SLIT3: variants seen among roughly 807,000 people sequenced by gnomAD.
SLIT3 encodes slit guidance ligand 3.
In SLIT3, 68 loss-of-function variants were observed where a neutral mutation model predicts 184.0. The observed-to-expected ratio is 0.37, with a 90% CI of 0.30 to 0.45. SLIT3 has a LOEUF of 0.45. Among genes scored for constraint, SLIT3 ranks in the 20% least tolerant of loss-of-function variants. The probability of loss-of-function intolerance (pLI) is 1.00; values close to 1 mark genes in which losing one functional copy is unlikely to be tolerated. For missense variants in SLIT3, 1,707 were observed against 2,026.0 expected, an observed-to-expected ratio of 0.84 and a Z score of 3.02; for synonymous variants, 831 against 828.6, an observed-to-expected ratio of 1.00 and a Z score of -0.05.
chr5:168,717,695 C>T (rs970446120), intron 23 of SLIT3, among the ~76,000 whole-genome samples: 6 of 151,796 alleles, frequency 4.0e-5, no homozygotes, highest in African/African-American at 1.2e-4. Context: ...GAATCTCGCT[C>T]TGTGGCCAAG....
chr5:168,673,951 G>T (rs933813216), intron 32 of SLIT3, among the ~76,000 whole-genome samples: 1 of 152,118 alleles, frequency 6.6e-6, no homozygotes, highest in African/African-American at 2.4e-5. Context: ...TACTCAACAC[G>T]CTTGTTCTTT....
At chr5:168,848,889 A>T (rs1389494028) in intron 5 of SLIT3, among the ~76,000 whole-genome samples, 1 of 152,206 alleles carries the variant, frequency 6.6e-6, no homozygotes, top group Non-Finnish European at 1.5e-5. Flanking sequence ...TACAATGTGA[A>T]ATTTCGTAAT....
chr5:168,693,080 C>G (rs1404032213), intron 28 of SLIT3, among the ~76,000 whole-genome samples: 1 of 152,210 alleles, frequency 6.6e-6, no homozygotes, highest in Non-Finnish European at 1.5e-5. Context: ...CTGAGCACCT[C>G]CTGTGTGGCA....
At chr5:168,813,033 T>C (rs1757213720) in intron 8 of SLIT3, among the ~76,000 whole-genome samples, 1 of 152,216 alleles carries the variant, frequency 6.6e-6, no homozygotes, top group African/African-American at 2.4e-5. Flanking sequence ...TGAAAAAGTG[T>C]ACGACGTGGC....
At chr5:169,006,015 C>G (rs1219459029) in intron 4 of SLIT3, among the ~76,000 whole-genome samples, 2 of 152,242 alleles carry the variant, frequency 1.3e-5, no homozygotes, top group East Asian at 3.8e-4. Flanking sequence ...CAGTGCCAGG[C>G]ACTGTGCTAG....
intron 35 of SLIT3, among the ~76,000 whole-genome samples, chr5:168,669,270 C>G (rs1405921476): frequency 6.6e-6 from 1 of 152,232 alleles, no homozygotes; most frequent in African/African-American, 2.4e-5. Flanking sequence ...GTGGCTTACT[C>G]TCTTCTGGAC....
chr5:168,902,890 G>A (rs1194373894), intron 4 of SLIT3, among the ~76,000 whole-genome samples: 1 of 152,206 alleles, frequency 6.6e-6, no homozygotes, highest in East Asian at 1.9e-4. Context: ...AATGGGGGTA[G>A]TGGCTGAGTG....
chr5:169,183,749 A>T lies in SLIT3; in HGVS notation c.413+9730T>A, dbSNP rs142290107. The stretch of plus-strand genomic sequence containing the variant: ...CAAAATGTTTTATGCAGCAACCTAT[A>T]AGAAACTCATTTTGTGGGATGTTTC... On this transcript the variant is annotated intron_variant, in intron 4 of 35. Transcript: ENST00000519560. Among the ~76,000 whole-genome samples, 601 of 152,326 alleles carry T rather than the reference A, an allele frequency of 3.9e-3. 4 individuals are homozygous for T. The highest frequency in any genetic ancestry group is 0.014 in the African/African-American group (576 of 41,572).
At chr5:168,959,604 G>T (rs978735463) in intron 4 of SLIT3, among the ~76,000 whole-genome samples, 1 of 152,184 alleles carries the variant, frequency 6.6e-6, no homozygotes, top group Non-Finnish European at 1.5e-5. Flanking sequence ...GGAGTAGGTG[G>T]TCTCTCCAGA....
chr5:169,198,817 C>T lies in SLIT3; in HGVS notation c.342-5267G>A, dbSNP rs539811281. Reference sequence around the variant, plus strand: ...CATGGGGATGCACATCTGTAATCCCCGCTACTCGGGAGGCTTAGGCAGGAG... The same window carrying T: ...CATGGGGATGCACATCTGTAATCCCTGCTACTCGGGAGGCTTAGGCAGGAG... On this transcript the variant is annotated intron_variant, in intron 3 of 35. Coordinates refer to ENST00000519560, the MANE Select transcript of SLIT3 (RefSeq NM_003062.4). Among the ~76,000 whole-genome samples, 6 of 151,848 alleles carry T rather than the reference C, an allele frequency of 4.0e-5. No homozygotes were observed. The South Asian group carries it at 8.3e-4, about 21-fold the overall frequency.
intron 4 of SLIT3, among the ~76,000 whole-genome samples, chr5:168,967,438 T>C (rs1356206164): frequency 2.9e-4 from 4 of 13,842 alleles, no homozygotes; most frequent in Admixed American, 9.9e-4. Context: ...ATCTCAAATC[T>C]TTTTTTTTTT....
Position 168,792,665 on chromosome 5 carries a change from C to T in SLIT3, c.1007+2842G>A, listed in dbSNP as rs568144214. Among the ~76,000 whole-genome samples, 24 of 152,286 alleles carry T rather than the reference C, an allele frequency of 1.6e-4. 2 individuals are homozygous for T. Among genetic ancestry groups the T allele is most frequent in the African/African-American group, 5.3e-4 (22 of 41,558 alleles). ...AGAGCATGAAAGAGAAAAGAATTCC[C>T]AACACCCCATTCTGGCACAATAATA... On this transcript the variant is annotated intron_variant, in intron 10 of 35. Coordinates refer to ENST00000519560, the MANE Select transcript of SLIT3 (RefSeq NM_003062.4).
In SLIT3 at chr5:168,748,319, G is replaced by T. The variant is rs17634681; in HGVS notation, c.2253C>A (p.Pro751=). ...KGLRALPRGM[P]KDVTELYLEG... is the part of the protein sequence containing the mutation. The stretch of plus-strand genomic sequence containing the variant: ...GTACTTACAGCTCGGTCACATCCTT[G>T]GGCATGCCTCTGGGGAGGGCGCGGA... Residue 751 remains proline, a synonymous_variant, in exon 20 of 36, where the codon CCC becomes CCA. Transcript: ENST00000519560. 0.059 allele frequency: 88,032 copies of T among 1,482,790 alleles called. 2,956 individuals are homozygous for T. Among genetic ancestry groups the T allele is most frequent in the Non-Finnish European group, 0.068 (76,660 of 1,120,922 alleles). 91.9% of individuals were successfully genotyped at this position (1,482,790 alleles called of 1,614,324 possible). A position where few individuals can be genotyped will look rare whatever the true frequency, so the allele number is the denominator to read the frequency against.
intron 4 of SLIT3, among the ~76,000 whole-genome samples, chr5:168,950,442 A>G (rs1309022662): frequency 6.6e-6 from 1 of 152,232 alleles, no homozygotes; most frequent in Non-Finnish European, 1.5e-5. Context: ...AGAGCAGAGG[A>G]AGAGAAACGT....
intron 4 of SLIT3, among the ~76,000 whole-genome samples, chr5:169,190,998 A>G (rs1248613635): frequency 6.6e-6 from 1 of 152,240 alleles, no homozygotes; most frequent in Non-Finnish European, 1.5e-5. Context: ...AGTAAAAAAA[A>G]TTATATTTAG....
chr5:169,187,506 A>G (rs146530911), intron 4 of SLIT3, among the ~76,000 whole-genome samples: 21 of 152,098 alleles, frequency 1.4e-4, no homozygotes, highest in African/African-American at 5.1e-4. Flanking sequence ...TGGTCTGCTC[A>G]TCCTTATAGG....
chr5:168,693,571 G>T (rs1020292205), intron 28 of SLIT3, among the ~76,000 whole-genome samples: 1 of 152,146 alleles, frequency 6.6e-6, no homozygotes, highest in African/African-American at 2.4e-5. Context: ...CGAGTTTTGG[G>T]TTTCCTCAAA....
chr5:168,821,242 T>A (rs1344389909), intron 7 of SLIT3, among the ~76,000 whole-genome samples: 1 of 152,220 alleles, frequency 6.6e-6, no homozygotes, highest in Non-Finnish European at 1.5e-5. Context: ...GGCCTAACCC[T>A]GTCCCTACAA....
chr5:169,281,041 T>C (rs1766976130), intron 1 of SLIT3, among the ~76,000 whole-genome samples: 1 of 152,080 alleles, frequency 6.6e-6, no homozygotes, highest in African/African-American at 2.4e-5. Context: ...TAGGGAGTGG[T>C]AGGGACTGCA....
Sources: gnomAD v4.1 joint callset for allele counts (sites outside exome capture counted in the v4.1 genomes callset) on GRCh38, gnomAD v4.1.1 for gene constraint, MANE v1.5 for transcripts, NCBI Gene and HGNC (gene_info 2026-07-23, HGNC 2026-07-21) for gene names.